The following PARP1 variants were observed in gnomAD, a reference collection of about 807,000 sequenced individuals.
PARP1 encodes the protein poly(ADP-ribose) polymerase 1, also known as poly [ADP-ribose] polymerase 1.
Under a neutral mutation model 118.7 loss-of-function variants are expected in PARP1, and 44 were observed. The ratio of observed to expected loss-of-function variants is 0.37; its 90% confidence interval spans 0.29 to 0.48. The LOEUF (loss-of-function observed/expected upper bound fraction) is 0.48, where lower values mean the gene tolerates loss of function less well. Among genes scored for constraint, PARP1 ranks in the 20% least tolerant of loss-of-function variants. The probability of loss-of-function intolerance (pLI) is 0.99; values close to 1 mark genes in which losing one functional copy is unlikely to be tolerated. For missense variants in PARP1, 1,100 were observed against 1,272.4 expected (o/e 0.86, Z 2.06); for synonymous variants, 492 against 483.2 (o/e 1.02, Z -0.24).
At chr1:226,393,506 T>C (rs1430432608) in intron 2 of PARP1, among the ~76,000 whole-genome samples, 1 of 152,132 alleles carries the variant, frequency 6.6e-6, no homozygotes, top group Admixed American at 6.5e-5. Flanking sequence ...CAAATGGATA[T>C]ATCCAAACAA....
In PARP1 at chr1:226,383,124, G is replaced by A. The variant is rs1230583614; in HGVS notation, c.1071C>T (p.Phe357=). The A allele has an allele frequency of 6.2e-7, 1 of 1,612,642 alleles. No individual in the cohort carries two copies. Among genetic ancestry groups the A allele is most frequent in the African/African-American group, 1.3e-5 (1 of 74,910 alleles). Residue 357 remains phenylalanine, a synonymous_variant, in exon 8 of 23, where the codon TTC becomes TTT. Transcript: ENST00000366794. The part of the protein sequence containing the change: ...KLKVKKQDRI[F]PPETSASVAA... ...CCACGGAGGCGCTGGTTTCTGGGGG[G>A]AATATACGGTCCTGTTTTTTAACCT...
chr1:226,375,837 T>C (rs994734732), intron 13 of PARP1, among the ~76,000 whole-genome samples: 5 of 152,164 alleles, frequency 3.3e-5, no homozygotes, highest in Non-Finnish European at 7.4e-5. Flanking sequence ...TCCTGGTACA[T>C]TAGGGCAAAA....
intron 2 of PARP1, among the ~76,000 whole-genome samples, chr1:226,398,509 G>A: frequency 6.9e-6 from 1 of 145,254 alleles, no homozygotes; most frequent in Non-Finnish European, 1.5e-5. Context: ...TAGCCTGGGC[G>A]ACGGAGCAAG....
intron 20 of PARP1, among the ~76,000 whole-genome samples, chr1:226,363,670 ATC>A (rs1382758277): frequency 2.0e-5 from 3 of 152,098 alleles, no homozygotes; most frequent in African/African-American, 7.2e-5. Flanking sequence ...GTGCAACTCA[ATC>A]TCTCTGCTTC....
intron 2 of PARP1, among the ~76,000 whole-genome samples, chr1:226,400,715 G>A (rs1355794608): frequency 6.6e-6 from 1 of 152,228 alleles, no homozygotes; most frequent in Non-Finnish European, 1.5e-5. Context: ...AGCTCTGGCT[G>A]CAGGGCGTGA....
At chr1:226,389,825 C>G (rs1444967544) in intron 4 of PARP1, among the ~76,000 whole-genome samples, 1 of 152,164 alleles carries the variant, frequency 6.6e-6, no homozygotes, top group African/African-American at 2.4e-5. Context: ...TGTTAACAAG[C>G]AGTTCTCCAG....
rs1664313091 is a variant in PARP1 at position 226,368,292 on chromosome 1, C to T, written c.2184G>A (p.Gln728=). The T allele has an allele frequency of 1.2e-6, 2 of 1,614,200 alleles. No homozygotes were observed. Among genetic ancestry groups the T allele is most frequent in the Admixed American group, 3.3e-5 (2 of 60,026 alleles). Residue 728 remains glutamine (Q), a synonymous_variant, in exon 16 of 23, where the codon CAG becomes CAA. Transcript: ENST00000366794. ...AAAAGCGATTTGAGAGATCCAGGAT[C>T]TGAGAGTCGCTGCTGCCCTGAGACA... ...QAVSQGSSDS[Q]ILDLSNRFYT...
intron 12 of PARP1, 147 bp downstream of exon 12, chr1:226,378,995 C>G: frequency 1.1e-6 from 1 of 937,460 alleles, no homozygotes; most frequent in Non-Finnish European, 1.7e-6. Flanking sequence ...TAAGCAAAGG[C>G]CTTATAATTT....
intron 1 of PARP1, among the ~76,000 whole-genome samples, chr1:226,402,858 T>A (rs570349508): frequency 1.3e-5 from 2 of 152,346 alleles, no homozygotes; most frequent in Non-Finnish European, 2.9e-5. Flanking sequence ...AAGGGCTCTT[T>A]AAGTGCCTCT....
intron 6 of PARP1, among the ~76,000 whole-genome samples, 196 bp downstream of exon 6, chr1:226,386,130 C>T (rs550157051): frequency 5.3e-5 from 8 of 152,182 alleles, no homozygotes; most frequent in East Asian, 1.9e-4. Flanking sequence ...GTGTGAATGC[C>T]GGCCCCATCC....
intron 3 of PARP1, 110 bp downstream of exon 3, chr1:226,392,089 C>A: frequency 1.3e-6 from 1 of 788,108 alleles, no homozygotes; most frequent in Non-Finnish European, 2.3e-6. Context: ...TAATCACTTA[C>A]GTTGAGCTAG....
chr1:226,363,038 CCCGGCTT>C, intron 21 of PARP1, 54 bp downstream of exon 21: 1 of 1,187,850 alleles, frequency 8.4e-7, no homozygotes, highest in Non-Finnish European at 1.3e-6. Flanking sequence ...ACAGCAAGCC[CCCGGCTT>C]CTGTGCTGTC....
chr1:226,371,675 G>A (rs1198583293), intron 14 of PARP1, among the ~76,000 whole-genome samples: 4 of 152,220 alleles, frequency 2.6e-5, no homozygotes, highest in African/African-American at 9.7e-5. Context: ...ACTTTGGTAT[G>A]GACCCTCAAT....
At chr1:226,361,715 C>T in intron 22 of PARP1, 174 bp from the exon 23 acceptor site, 3 of 683,682 alleles carry the variant, frequency 4.4e-6, no homozygotes, top group East Asian at 2.7e-5. Flanking sequence ...TCAATGCCAG[C>T]CTGAAAGTTA....
chr1:226,367,042 TTG>T (rs1355255750), intron 17 of PARP1: 1 of 270,010 alleles, frequency 3.7e-6, no homozygotes, highest in Non-Finnish European at 7.2e-6. Flanking sequence ...AACGCAAGCA[TTG>T]TGTTTTTATT....
chr1:226,364,178 A>G, intron 19 of PARP1, 108 bp from the exon 20 acceptor site: 2 of 1,040,674 alleles, frequency 1.9e-6, no homozygotes, highest in Non-Finnish European at 1.5e-6. Context: ...GCTGCAATCC[A>G]TCACTTCTAA....
At chr1:226,387,456 T>G (rs1013313974) in intron 5 of PARP1, among the ~76,000 whole-genome samples, 2 of 152,182 alleles carry the variant, frequency 1.3e-5, no homozygotes, top group Non-Finnish European at 2.9e-5. Flanking sequence ...CCCTATCATA[T>G]CCTATAGGGT....
At chr1:226,392,153 G>A in intron 3 of PARP1, 46 bp downstream of exon 3, 1 of 1,245,288 alleles carries the variant, frequency 8.0e-7, no homozygotes, top group South Asian at 1.2e-5. Flanking sequence ...TAACATCATT[G>A]CAAGCAATCC....
intron 15 of PARP1, among the ~76,000 whole-genome samples, chr1:226,369,984 C>CAA (rs35298213): frequency 3.9e-5 from 5 of 129,082 alleles, no homozygotes; most frequent in South Asian, 5.0e-4. Flanking sequence ...AAAATCCCAC[C>CAA]AAAAAAAAAA....
Sources: gnomAD v4.1 joint callset for allele counts (sites outside exome capture counted in the v4.1 genomes callset) on GRCh38, gnomAD v4.1.1 for gene constraint, MANE v1.5 for transcripts, NCBI Gene and HGNC (gene_info 2026-07-23, HGNC 2026-07-21) for gene names.